The following CSMD1 variants were observed in gnomAD, a reference collection of about 807,000 sequenced individuals.
The protein encoded by CSMD1 is CUB and sushi domain-containing protein 1.
In CSMD1, 213 loss-of-function variants were observed where a neutral mutation model predicts 417.5. The ratio of observed to expected loss-of-function variants is 0.51; its 90% confidence interval spans 0.46 to 0.57. The LOEUF (loss-of-function observed/expected upper bound fraction) is 0.57. Among genes scored for constraint, CSMD1 ranks in the 20% least tolerant of loss-of-function variants. The pLI is 0.00. For missense variants in CSMD1, 6,923 were observed against 4,529.7 expected, an observed-to-expected ratio of 1.53 and a Z score of -15.17; for synonymous variants, 2,862 against 1,736.8, an observed-to-expected ratio of 1.65 and a Z score of -16.11.
intron 40 of CSMD1, among the ~76,000 whole-genome samples, chr8:3,150,631 AC>A (rs1199314101): frequency 2.0e-5 from 3 of 152,202 alleles, no homozygotes; most frequent in Non-Finnish European, 4.4e-5. Context: ...GTACAGAAAT[AC>A]CCAGCTACTC....
At chr8:4,789,689 A>T (rs891055375) in intron 1 of CSMD1, among the ~76,000 whole-genome samples, 1 of 152,304 alleles carries the variant, frequency 6.6e-6, no homozygotes, top group Middle Eastern at 3.4e-3. Context: ...TCCAGAATGT[A>T]CTTATTTATG....
intron 23 of CSMD1, among the ~76,000 whole-genome samples, chr8:3,312,900 C>T (rs986877710): frequency 6.6e-6 from 1 of 152,180 alleles, no homozygotes; most frequent in Non-Finnish European, 1.5e-5. Context: ...CTGTTTCCCT[C>T]TCTGCAAATT....
At chr8:4,030,203 AG>A (rs71205408) in intron 4 of CSMD1, among the ~76,000 whole-genome samples, 152,267 of 152,268 alleles carry the variant, frequency 1, 76,133 homozygotes, top group Middle Eastern at 1. Flanking sequence ...CAGCTCAACT[AG>A]GGCGGTGCCC....
intron 3 of CSMD1, among the ~76,000 whole-genome samples, chr8:4,349,385 G>A (rs1437692812): frequency 6.6e-6 from 1 of 152,170 alleles, no homozygotes; most frequent in Non-Finnish European, 1.5e-5. Flanking sequence ...GCATCCTTTT[G>A]TGGTAGGCAG....
intron 37 of CSMD1, among the ~76,000 whole-genome samples, chr8:3,170,690 G>C (rs922964460): frequency 6.6e-6 from 1 of 152,168 alleles, no homozygotes; most frequent in Non-Finnish European, 1.5e-5. Flanking sequence ...CACAACTGTA[G>C]GAAATACAAA....
intron 1 of CSMD1, among the ~76,000 whole-genome samples, chr8:4,661,551 T>C (rs1050399355): frequency 2.0e-5 from 3 of 152,310 alleles, no homozygotes; most frequent in South Asian, 2.1e-4. Context: ...GATATAAATA[T>C]TCTGTATCTC....
At chr8:3,595,035 G>A (rs1016140683) in intron 8 of CSMD1, among the ~76,000 whole-genome samples, 15 of 152,220 alleles carry the variant, frequency 9.9e-5, no homozygotes, top group African/African-American at 2.4e-4. Flanking sequence ...CATCCACGCG[G>A]CACGTGAACC....
chr8:3,741,958 C>T (rs368943463), intron 6 of CSMD1, among the ~76,000 whole-genome samples: 80 of 149,454 alleles, frequency 5.4e-4, no homozygotes, highest in African/African-American at 9.9e-4. Context: ...AATCTAATTC[C>T]ACTTTTTCCA....
At chr8:4,491,319 T>C (rs1801687373) in intron 2 of CSMD1, among the ~76,000 whole-genome samples, 1 of 152,156 alleles carries the variant, frequency 6.6e-6, no homozygotes, top group African/African-American at 2.4e-5. Flanking sequence ...TGCAGCCTTA[T>C]CTGGAAGGGG....
chr8:3,191,046 C>G lies in CSMD1; in HGVS notation c.5195-931G>C, dbSNP rs542739018. On this transcript the variant is annotated intron_variant, in intron 33 of 69. Coordinates refer to ENST00000635120, the MANE Select transcript of CSMD1 (RefSeq NM_033225.6). ...AATGAGTATGCCCTGGAGACCTGCTCTACAGCACTGTGTTTATAGTTAAGA... is the reference window on the plus strand; with the variant it reads ...AATGAGTATGCCCTGGAGACCTGCTGTACAGCACTGTGTTTATAGTTAAGA... Among the ~76,000 whole-genome samples, 9 of 152,308 alleles carry G rather than the reference C, an allele frequency of 5.9e-5. No homozygotes were observed. The South Asian group carries it at 1.9e-3, about 32-fold the overall frequency.
intron 10 of CSMD1, among the ~76,000 whole-genome samples, chr8:3,530,153 TTTCTC>T (rs1305946489): frequency 1.3e-5 from 2 of 152,200 alleles, no homozygotes; most frequent in African/African-American, 4.8e-5. Context: ...TCTCTGTTGT[TTTCTC>T]TATTCATCTC....
Position 3,827,903 on chromosome 8 carries a change from A to C in CSMD1, c.819-73861T>G, listed in dbSNP as rs189117762. Reference sequence around the variant, plus strand: ...TCATCCCCATGGGCTCACTCAAAGGAAACAATATAGTAAGCACTATTTAAA... The same window carrying C: ...TCATCCCCATGGGCTCACTCAAAGGCAACAATATAGTAAGCACTATTTAAA... On this transcript the variant is annotated intron_variant, in intron 5 of 69. Coordinates refer to ENST00000635120, the MANE Select transcript of CSMD1 (RefSeq NM_033225.6). Among the ~76,000 whole-genome samples the C allele has an allele frequency of 4.0e-3, 603 of 152,324 alleles. 2 individuals are homozygous for C. Among genetic ancestry groups the C allele is most frequent in the African/African-American group, 0.014 (569 of 41,576 alleles).
At chr8:4,785,313 A>AGT (rs1204700804) in intron 1 of CSMD1, among the ~76,000 whole-genome samples, 3 of 152,162 alleles carry the variant, frequency 2.0e-5, no homozygotes, top group African/African-American at 7.2e-5. Flanking sequence ...ACTGGGGTGC[A>AGT]AAGCATTGGT....
chr8:3,273,002 C>T (rs1283267997), intron 26 of CSMD1, among the ~76,000 whole-genome samples: 1 of 151,172 alleles, frequency 6.6e-6, no homozygotes, highest in Non-Finnish European at 1.5e-5. Context: ...GCATCCCTGT[C>T]TTGTGCCAGT....
At position 4,402,674 on chromosome 8, in the gene CSMD1, A is replaced by T. The variant is rs373978276; in HGVS notation, c.415+17279T>A. 1.2e-4 allele frequency among the ~76,000 whole-genome samples: 19 copies of T among 152,146 alleles called. No individual in the cohort carries two copies. The South Asian group carries it at 2.1e-3, about 17-fold the overall frequency. ...ATTTTCATTAATGAATTTGCCCATT[A>T]CTTCATGGAGAAAATAGAAGCAATG... On this transcript the variant is annotated intron_variant, in intron 3 of 69. Coordinates refer to ENST00000635120, the MANE Select transcript of CSMD1 (RefSeq NM_033225.6).
intron 2 of CSMD1, among the ~76,000 whole-genome samples, chr8:4,633,176 C>G (rs532640258): frequency 1.2e-3 from 177 of 147,068 alleles, no homozygotes; most frequent in Non-Finnish European, 2.3e-3. Flanking sequence ...CAGGAGCCTT[C>G]GTAGGAACAT....
chr8:4,709,029 T>C (rs1176267106), intron 1 of CSMD1, among the ~76,000 whole-genome samples: 1 of 152,190 alleles, frequency 6.6e-6, no homozygotes, highest in Non-Finnish European at 1.5e-5. Context: ...TGTCTATTGC[T>C]GAAGCTTCCC....
At chr8:3,721,035 C>T (rs1802137004) in intron 6 of CSMD1, among the ~76,000 whole-genome samples, 1 of 152,018 alleles carries the variant, frequency 6.6e-6, no homozygotes, top group Non-Finnish European at 1.5e-5. Context: ...GTTAGTCACG[C>T]TGGTCTCAAA....
At chr8:2,978,408 C>G (rs189851059) in intron 55 of CSMD1, among the ~76,000 whole-genome samples, 1 of 152,276 alleles carries the variant, frequency 6.6e-6, no homozygotes, top group Admixed American at 6.5e-5. Context: ...ATACCAGCAT[C>G]CCCCGACCCT....
Sources: gnomAD v4.1 joint callset for allele counts (sites outside exome capture counted in the v4.1 genomes callset) on GRCh38, gnomAD v4.1.1 for gene constraint, MANE v1.5 for transcripts, NCBI Gene and HGNC (gene_info 2026-07-23, HGNC 2026-07-21) for gene names.